Variants in AADACL4 observed in about 807,000 individuals in gnomAD.
The protein encoded by AADACL4 is arylacetamide deacetylase like 4.
A neutral mutation model predicts 14.1 loss-of-function variants in AADACL4; 9 were observed. That is an observed-to-expected ratio of 0.64 (90% CI 0.39 to 1.12). The LOEUF (loss-of-function observed/expected upper bound fraction) is 1.12. Among genes scored for constraint, AADACL4 ranks in the 50% most tolerant of loss-of-function variants. The probability of loss-of-function intolerance (pLI) is 0.01; values close to 1 mark genes in which losing one functional copy is unlikely to be tolerated. For missense variants in AADACL4, 531 were observed against 516.1 expected, an observed-to-expected ratio of 1.03 and a Z score of -0.28; for synonymous variants, 188 against 201.6, an observed-to-expected ratio of 0.93 and a Z score of 0.57.
In AADACL4 at chr1:12,662,569, A is replaced by AG. The variant is rs1647245650; in HGVS notation, c.449+720dup. Reference sequence around the variant, plus strand: ...ATGGAGGCATCTTTAGAGTGGATGGAGGGGGCAGTAGGGGCTACTCACTAG... The same window carrying AG: ...ATGGAGGCATCTTTAGAGTGGATGGAGGGGGGCAGTAGGGGCTACTCACTAG... On this transcript the variant is annotated intron_variant, in intron 3 of 3. Coordinates refer to ENST00000376221, the MANE Select transcript of AADACL4 (RefSeq NM_001013630.2). 2.0e-5 allele frequency among the ~76,000 whole-genome samples: 3 copies of AG among 152,288 alleles called. No individual in the cohort carries two copies. The South Asian group carries it at 6.2e-4, about 32-fold the overall frequency.
At chr1:12,648,388 CCTTT>C (rs1308431699) in intron 1 of AADACL4, among the ~76,000 whole-genome samples, 3 of 146,752 alleles carry the variant, frequency 2.0e-5, no homozygotes, top group Non-Finnish European at 3.0e-5. Context: ...TTCCTTCCTT[CCTTT>C]CTTTCCTTCT....
chr1:12,651,411 C>A, intron 2 of AADACL4, 72 bp downstream of exon 2: 1 of 1,475,628 alleles, frequency 6.8e-7, no homozygotes, highest in South Asian at 1.2e-5. Flanking sequence ...ATGCCTCCCG[C>A]AAGAACCCTT....
At chr1:12,650,473 C>T (rs1177961293) in intron 1 of AADACL4, among the ~76,000 whole-genome samples, 8 of 151,720 alleles carry the variant, frequency 5.3e-5, no homozygotes, top group Non-Finnish European at 1.5e-5. Flanking sequence ...TGGGGAGAGT[C>T]CAGCACAGAG....
intron 2 of AADACL4, among the ~76,000 whole-genome samples, chr1:12,652,388 C>T (rs372270185): frequency 6.6e-6 from 1 of 152,328 alleles, no homozygotes; most frequent in African/African-American, 2.4e-5. Flanking sequence ...TGGCTGACTA[C>T]GCCTGGTTCT....
rs116139833 is a variant in AADACL4, at chr1:12,665,211, A to G, written c.450-750A>G. 3.3e-5 allele frequency among the ~76,000 whole-genome samples: 5 copies of G among 151,990 alleles called. No homozygotes were observed. The South Asian group carries it at 1.0e-3, about 32-fold the overall frequency. ...CATGCCTAGCCAATTCTTTTAAATT[A>G]GATTTTTGATTTTTTTTCGTTTTGT... On this transcript the variant is annotated intron_variant, in intron 3 of 3. Coordinates refer to ENST00000376221, the MANE Select transcript of AADACL4 (RefSeq NM_001013630.2).
At chr1:12,653,078 T>G (rs1422060286) in intron 2 of AADACL4, among the ~76,000 whole-genome samples, 1 of 152,216 alleles carries the variant, frequency 6.6e-6, no homozygotes, top group Non-Finnish European at 1.5e-5. Context: ...CTTCAGTATC[T>G]ACTTTCTGCT....
rs551885540 is a variant in AADACL4, at chr1:12,647,199, T to A, written c.168+2485T>A. Among the ~76,000 whole-genome samples, 399 of 151,590 alleles carry A rather than the reference T, an allele frequency of 2.6e-3. 4 individuals carry two copies. The highest frequency in any genetic ancestry group is 9.1e-3 in the African/African-American group (374 of 41,302). On this transcript the variant is annotated intron_variant, in intron 1 of 3. Coordinates refer to ENST00000376221, the MANE Select transcript of AADACL4 (RefSeq NM_001013630.2). ...GCCTCCACCTCCTGGGTTCAAGTGA[T>A]CCTCCCACCTCAGCCTCCCATGTAG...
Position 12,651,296 on chromosome 1 carries a change from C to T in AADACL4, c.342C>T (p.Gly114=). 1.2e-6 allele frequency: 2 copies of T among 1,614,218 alleles called. No individual in the cohort carries two copies. The highest frequency in any genetic ancestry group is 1.7e-6 in the Non-Finnish European group (2 of 1,180,046). The part of the protein sequence containing the change: ...PKAASSRPRR[G]IIFYHGGATV... ...CAGCATCCTCCAGACCCCGGCGAGG[C>T]ATCATCTTCTACCATGGAGGGGCCA... Residue 114 remains glycine (G), a synonymous_variant, in exon 2 of 4, where the codon GGC becomes GGT. Coordinates refer to ENST00000376221, the MANE Select transcript of AADACL4 (RefSeq NM_001013630.2).
intron 2 of AADACL4, among the ~76,000 whole-genome samples, chr1:12,660,628 G>A (rs1647218843): frequency 6.6e-6 from 1 of 152,110 alleles, no homozygotes; most frequent in African/African-American, 2.4e-5. Flanking sequence ...CCCAGGCTAA[G>A]TGGGCAGGAC....
intron 3 of AADACL4, among the ~76,000 whole-genome samples, chr1:12,664,316 T>C (rs942002919): frequency 1.3e-5 from 2 of 152,188 alleles, no homozygotes; most frequent in African/African-American, 4.8e-5. Context: ...TTTAATGTGA[T>C]AATTAGAATA....
At chr1:12,657,338 G>A (rs1471287817) in intron 2 of AADACL4, among the ~76,000 whole-genome samples, 1 of 152,084 alleles carries the variant, frequency 6.6e-6, no homozygotes, top group East Asian at 1.9e-4. Context: ...AGAACAAGAG[G>A]ACTCAAACTA....
intron 3 of AADACL4, among the ~76,000 whole-genome samples, chr1:12,665,485 A>AGAGTGCT (rs776339812): frequency 6.0e-4 from 91 of 152,314 alleles, no homozygotes; most frequent in Non-Finnish European, 1.2e-3. Flanking sequence ...TTGGCCTCCC[A>AGAGTGCT]GAGTGCTGGG....
intron 1 of AADACL4, among the ~76,000 whole-genome samples, chr1:12,648,913 G>C (rs1239257874): frequency 1.3e-5 from 2 of 152,118 alleles, no homozygotes; most frequent in African/African-American, 2.4e-5. Flanking sequence ...GGGGTAGCGC[G>C]ATGCCTATGG....
rs755982190 is a variant in AADACL4, at chr1:12,644,568, C to T, written c.22C>T (p.Leu8=). Residue 8 remains leucine, a synonymous_variant, in exon 1 of 4, where the codon CTA becomes TTA. Coordinates refer to ENST00000376221, the MANE Select transcript of AADACL4 (RefSeq NM_001013630.2). ...GAACATGGCTGTCCCCTGGCTAGTGCTACTCTTGGCATTGCCCATCTTTTT... is the reference window on the plus strand; with the variant it reads ...GAACATGGCTGTCCCCTGGCTAGTGTTACTCTTGGCATTGCCCATCTTTTT... MAVPWLV[L]LLALPIFFLG... 101 of 1,613,970 alleles carry T rather than the reference C, an allele frequency of 6.3e-5. No individual in the cohort carries two copies. Among genetic ancestry groups the T allele is most frequent in the Middle Eastern group, 4.9e-4 (3 of 6,070 alleles).
At chr1:12,647,168 A>G (rs1301646662) in intron 1 of AADACL4, among the ~76,000 whole-genome samples, 1 of 147,184 alleles carries the variant, frequency 6.8e-6, no homozygotes, top group African/African-American at 2.5e-5. Context: ...AACACGGCTC[A>G]CTGCAGCCTC....
intron 2 of AADACL4, among the ~76,000 whole-genome samples, chr1:12,657,140 C>CAAAAAAAAAAAAAA (rs59777423): frequency 2.0e-5 from 1 of 51,104 alleles, no homozygotes; most frequent in Non-Finnish European, 4.3e-5. Context: ...AAGACTGTCT[C>CAAAAAAAAAAAAAA]AAAAAAAAAA....
At position 12,645,480 on chromosome 1, in the gene AADACL4, GC is replaced by G. The variant is rs562395376; in HGVS notation, c.168+770del. Among the ~76,000 whole-genome samples the G allele has an allele frequency of 1.4e-3, 218 of 152,198 alleles. 4 individuals carry two copies. The highest frequency in any genetic ancestry group is 8.3e-3 in the East Asian group (43 of 5,176). On this transcript the variant is annotated intron_variant, in intron 1 of 3. Transcript: ENST00000376221. ...CCGGGCTTGTGGCCTGACAGCCCCT[GC>G]CCCTCCTTCAGCCGCGCACACTTTC... is the stretch of plus-strand genomic sequence containing the variant.
rs761177590 is a variant in AADACL4, at chr1:12,666,564, T to G, written c.1053T>G (p.Asp351Glu). The change falls in exon 4 of 4, where the codon GAT (aspartate) becomes GAG (glutamate). Residue 351 changes from aspartate to glutamate, a missense_variant. Asp to Glu is a conservative substitution (Grantham distance 45, BLOSUM62 2). Transcript: ENST00000376221. ...GCTGTGAGAATGACATACTCCGTGA[T>G]GACAGCTTGCTCTATAAGAAGCGCT... ...LVSCENDILR[D>E]DSLLYKKRLE... 4 of 1,614,138 alleles carry G rather than the reference T, an allele frequency of 2.5e-6. No individual in the cohort carries two copies. The highest frequency in any genetic ancestry group is 3.4e-6 in the Non-Finnish European group (4 of 1,180,062).
chr1:12,650,810 C>T (rs1234123916), intron 1 of AADACL4, among the ~76,000 whole-genome samples: 6 of 152,304 alleles, frequency 3.9e-5, no homozygotes, highest in East Asian at 3.9e-4. Flanking sequence ...GGATTACAGG[C>T]GTGAGCCACT....
Sources: gnomAD v4.1 joint callset for allele counts (sites outside exome capture counted in the v4.1 genomes callset) on GRCh38, gnomAD v4.1.1 for gene constraint, MANE v1.5 for transcripts, NCBI Gene and HGNC (gene_info 2026-07-23, HGNC 2026-07-21) for gene names.